Variants in RAB10 observed in about 807,000 individuals in gnomAD.
RAB10 encodes the protein ras-related protein Rab-10.
A neutral mutation model predicts 25.7 loss-of-function variants in RAB10; 5 were observed. The observed-to-expected ratio is 0.19, with a 90% CI of 0.10 to 0.41. The LOEUF is 0.41. Among genes scored for constraint, RAB10 ranks in the 10% least tolerant of loss-of-function variants. RAB10 has a pLI of 1.00. For synonymous variants in RAB10, 89 were observed against 86.4 expected (o/e 1.03, Z -0.16); for missense variants, 103 against 245.8 (o/e 0.42, Z 3.89).
At chr2:26,130,585 G>A (rs1183078397) in intron 5 of RAB10, among the ~76,000 whole-genome samples, 2 of 151,802 alleles carry the variant, frequency 1.3e-5, no homozygotes, top group Non-Finnish European at 1.5e-5. Context: ...CTAGGACCAC[G>A]AGGACACATC....
chr2:26,098,105 CTTTCTTTTTTTTT>C (rs1215699158), intron 1 of RAB10, among the ~76,000 whole-genome samples: 50 of 88,464 alleles, frequency 5.7e-4, no homozygotes, highest in African/African-American at 2.1e-3. Flanking sequence ...TTCTTTCTTT[CTTTCTTTTTTTTT>C]TTTTTTTTTT....
chr2:26,067,662 TAAGAA>T (rs1276596991), intron 1 of RAB10, among the ~76,000 whole-genome samples: 3 of 152,246 alleles, frequency 2.0e-5, no homozygotes, highest in Non-Finnish European at 4.4e-5. Context: ...TGTAAAGGGT[TAAGAA>T]AAGAGGCAGA....
chr2:26,107,503 C>T (rs1032868509), intron 2 of RAB10, among the ~76,000 whole-genome samples: 3 of 151,948 alleles, frequency 2.0e-5, no homozygotes, highest in Non-Finnish European at 4.4e-5. Context: ...GACAAAAAAA[C>T]TGACAATCCA....
intron 5 of RAB10, among the ~76,000 whole-genome samples, chr2:26,128,275 T>C (rs41285975): frequency 0.77 from 116,654 of 152,128 alleles, 44,789 homozygotes; most frequent in East Asian, 0.87. Context: ...TCTAATGCTA[T>C]CACTGATCTG....
chr2:26,055,173 C>G (rs1666231183), intron 1 of RAB10, among the ~76,000 whole-genome samples: 1 of 152,030 alleles, frequency 6.6e-6, no homozygotes, highest in South Asian at 2.1e-4. Flanking sequence ...GGTGGCTGCT[C>G]TTGTCTAGTT....
chr2:26,050,316 A>G (rs1666104335), intron 1 of RAB10, among the ~76,000 whole-genome samples: 2 of 152,286 alleles, frequency 1.3e-5, no homozygotes, highest in South Asian at 2.1e-4. Flanking sequence ...ATTGTCTTCT[A>G]GTTGCTGACA....
intron 1 of RAB10, among the ~76,000 whole-genome samples, chr2:26,051,550 G>C (rs1283729480): frequency 2.0e-5 from 3 of 149,498 alleles, no homozygotes; most frequent in Non-Finnish European, 3.0e-5. Context: ...AAGAGATCGA[G>C]ACCATCCTGA....
chr2:26,085,162 A>C (rs1024802870), intron 1 of RAB10, among the ~76,000 whole-genome samples: 1 of 152,144 alleles, frequency 6.6e-6, no homozygotes, highest in Non-Finnish European at 1.5e-5. Flanking sequence ...GACTTCATCA[A>C]AATGAACTCT....
At chr2:26,051,207 G>C (rs1477680092) in intron 1 of RAB10, among the ~76,000 whole-genome samples, 4 of 152,206 alleles carry the variant, frequency 2.6e-5, no homozygotes, top group African/African-American at 9.6e-5. Flanking sequence ...AGAGTGCTGG[G>C]ATTTTAAGTG....
chr2:26,082,567 C>G (rs1410983502), intron 1 of RAB10, among the ~76,000 whole-genome samples: 1 of 152,002 alleles, frequency 6.6e-6, no homozygotes, highest in Non-Finnish European at 1.5e-5. Flanking sequence ...ACAGTCCTCT[C>G]TTAGTAATTG....
intron 2 of RAB10, among the ~76,000 whole-genome samples, chr2:26,106,250 A>G (rs1291608230): frequency 6.6e-6 from 1 of 152,244 alleles, no homozygotes; most frequent in African/African-American, 2.4e-5. Flanking sequence ...AGCTTATCCT[A>G]GTATTTATAT....
chr2:26,087,087 CTTTTT>C (rs535104782), intron 1 of RAB10, among the ~76,000 whole-genome samples: 1 of 150,898 alleles, frequency 6.6e-6, no homozygotes, highest in African/African-American at 2.4e-5. Flanking sequence ...TTTATTTTTT[CTTTTT>C]TTTTGTTCGC....
rs553576880 is a variant in RAB10 at position 26,062,769 on chromosome 2, C to T, written c.127+28034C>T. On this transcript the variant is annotated intron_variant, in intron 1 of 5. Coordinates refer to ENST00000264710, the MANE Select transcript of RAB10 (RefSeq NM_016131.5). ...AACAAAAAGTTTAAAGAACTTTAAC[C>T]TTCTAAAGAATTGCCACTTCTAGGG... Among the ~76,000 whole-genome samples, 39 of 152,158 alleles carry T rather than the reference C, an allele frequency of 2.6e-4. No individual in the cohort carries two copies. The South Asian group carries it at 7.9e-3, about 31-fold the overall frequency.
intron 1 of RAB10, among the ~76,000 whole-genome samples, chr2:26,077,249 A>G (rs1185880657): frequency 6.6e-6 from 1 of 152,220 alleles, no homozygotes; most frequent in Non-Finnish European, 1.5e-5. Flanking sequence ...TATTACAAAT[A>G]TAGATATTAA....
intron 1 of RAB10, among the ~76,000 whole-genome samples, chr2:26,077,180 AT>A (rs1189199954): frequency 7.2e-5 from 11 of 152,174 alleles, no homozygotes; most frequent in African/African-American, 2.4e-4. Context: ...AAAGCATTTG[AT>A]TTTTTAAAAA....
At chr2:26,092,744 C>T (rs1574548349) in intron 1 of RAB10, among the ~76,000 whole-genome samples, 1 of 152,214 alleles carries the variant, frequency 6.6e-6, no homozygotes, top group East Asian at 1.9e-4. Context: ...AGTTGTCACA[C>T]TTGTCATTAA....
rs996049042 is a variant in RAB10, at chr2:26,034,570, T to G, written c.-39T>G. On this transcript the variant is annotated 5_prime_UTR_variant, in exon 1 of 6. Transcript: ENST00000264710. ...GCCGTAGTGAGAGGGACCGATCCCT[T>G]GGGGCCGCCGGCGGCGAGAGCCCGA... The G allele has an allele frequency of 6.2e-7, 1 of 1,611,856 alleles. No homozygotes were observed. The highest frequency in any genetic ancestry group is 8.5e-7 in the Non-Finnish European group (1 of 1,179,710).
chr2:26,080,825 A>T (rs1262477722), intron 1 of RAB10, among the ~76,000 whole-genome samples: 1 of 152,166 alleles, frequency 6.6e-6, no homozygotes, highest in African/African-American at 2.4e-5. Context: ...GAAGACAGTA[A>T]ATTTGCAATA....
At chr2:26,059,654 A>G (rs1666355194) in intron 1 of RAB10, among the ~76,000 whole-genome samples, 1 of 152,192 alleles carries the variant, frequency 6.6e-6, no homozygotes. Flanking sequence ...ACTGAAAGCA[A>G]GGTTTTGAGA....
Sources: allele counts gnomAD v4.1 joint callset (sites outside exome capture counted in the v4.1 genomes callset), GRCh38; gene constraint gnomAD v4.1.1; transcripts MANE v1.5; gene names NCBI Gene and HGNC (gene_info 2026-07-23, HGNC 2026-07-21).